The following LRP1B variants were observed in gnomAD, a reference collection of about 807,000 sequenced individuals.
LRP1B encodes low-density lipoprotein receptor-related protein 1B.
A neutral mutation model predicts 556.6 loss-of-function variants in LRP1B; 217 were observed. The ratio of observed to expected loss-of-function variants is 0.39; its 90% CI spans 0.35 to 0.44. LRP1B has a LOEUF of 0.44. Ranked by LOEUF, LRP1B falls within the 20% of genes least tolerant of loss-of-function variation. LRP1B has a pLI of 1.00. For missense variants in LRP1B, 5,053 were observed against 5,620.8 expected (o/e 0.90, Z 3.23); for synonymous variants, 2,047 against 1,865.8 (o/e 1.10, Z -2.50).
intron 85 of LRP1B, among the ~76,000 whole-genome samples, chr2:140,273,328 AT>A (rs1682542140): frequency 7.3e-5 from 1 of 13,614 alleles, no homozygotes; most frequent in Admixed American, 1.7e-3. Flanking sequence ...ATGAGGAAAC[AT>A]GATTTGGACG....
intron 41 of LRP1B, among the ~76,000 whole-genome samples, chr2:140,666,697 A>C (rs1461094373): frequency 1.3e-5 from 2 of 152,178 alleles, no homozygotes. Flanking sequence ...TTTATTTCAA[A>C]ATCTTGGCTT....
intron 2 of LRP1B, among the ~76,000 whole-genome samples, chr2:141,567,023 T>C (rs569380185): frequency 1.3e-5 from 2 of 152,246 alleles, no homozygotes; most frequent in Admixed American, 6.5e-5. Context: ...CATTCTTACA[T>C]AGGAAGATCA....
chr2:140,233,319 TTTG>T lies in LRP1B; in HGVS notation c.13664_13666del (p.Thr4555del). On this transcript the variant is annotated inframe_deletion, in exon 91 of 91. Transcript: ENST00000389484. Reference sequence around the variant, plus strand: ...TTTTGCATATACCGGATTGGAGTAATTTGTTGGCTGAAGGAGAAAAAAAATAAA... The same window carrying T: ...TTTTGCATATACCGGATTGGAGTAATTTGGCTGAAGGAGAAAAAAAATAAA... The T allele has an allele frequency of 6.3e-7, 1 of 1,583,414 alleles. No individual in the cohort carries two copies. Among genetic ancestry groups the T allele is most frequent in the Non-Finnish European group, 8.6e-7 (1 of 1,165,496 alleles).
At chr2:140,450,972 C>CG (rs1172033511) in intron 62 of LRP1B, among the ~76,000 whole-genome samples, 6 of 152,180 alleles carry the variant, frequency 3.9e-5, no homozygotes, top group Admixed American at 6.5e-5. Flanking sequence ...GATAGGGTCT[C>CG]GCTCTGTCGC....
At chr2:142,050,746 A>G (rs1444877640) in intron 1 of LRP1B, among the ~76,000 whole-genome samples, 2 of 152,162 alleles carry the variant, frequency 1.3e-5, no homozygotes, top group Non-Finnish European at 2.9e-5. Context: ...ATATATATTG[A>G]GGATACTACC....
At chr2:140,705,521 C>CAAAAAAAAAAAAAAAAAAAA (rs565447198) in intron 37 of LRP1B, among the ~76,000 whole-genome samples, 3 of 68,228 alleles carry the variant, frequency 4.4e-5, no homozygotes, top group Non-Finnish European at 7.6e-5. Context: ...GAGACTGTCT[C>CAAAAAAAAAAAAAAAAAAAA]AAAAAAAAAA....
rs570539543 is a variant in LRP1B, at chr2:141,403,347, A to C, written c.343+77049T>G. Among the ~76,000 whole-genome samples the C allele has an allele frequency of 5.3e-5, 8 of 152,196 alleles. No individual in the cohort carries two copies. The East Asian group carries it at 1.4e-3, about 26-fold the overall frequency. ...AAATATTTCAAAACTATTAAAAAAA[A>C]CCCTGCAATTCATTTTCCTCTCTAT... On this transcript the variant is annotated intron_variant, in intron 3 of 90. Transcript: ENST00000389484.
intron 2 of LRP1B, among the ~76,000 whole-genome samples, chr2:141,591,543 G>A (rs1041290207): frequency 4.0e-5 from 6 of 151,624 alleles, no homozygotes; most frequent in Admixed American, 4.0e-4. Flanking sequence ...TTTTCCTCGG[G>A]CAGAAAATTG....
chr2:140,965,707 C>G (rs1360290040), intron 18 of LRP1B, among the ~76,000 whole-genome samples: 1 of 152,142 alleles, frequency 6.6e-6, no homozygotes, highest in African/African-American at 2.4e-5. Context: ...CCTCCCCACT[C>G]CCCTCTACCC....
intron 84 of LRP1B, among the ~76,000 whole-genome samples, chr2:140,283,645 G>C (rs1170182338): frequency 6.6e-6 from 1 of 151,686 alleles, no homozygotes; most frequent in African/African-American, 2.4e-5. Flanking sequence ...GACATATGGG[G>C]TGGGATTTTT....
At chr2:141,048,458 G>T (rs573833404) in intron 11 of LRP1B, among the ~76,000 whole-genome samples, 1 of 152,122 alleles carries the variant, frequency 6.6e-6, no homozygotes, top group East Asian at 1.9e-4. Context: ...AATAAAAATA[G>T]ATATAAATGT....
chr2:141,271,463 A>G (rs1237775129), intron 3 of LRP1B, among the ~76,000 whole-genome samples: 1 of 151,822 alleles, frequency 6.6e-6, no homozygotes, highest in Non-Finnish European at 1.5e-5. Flanking sequence ...AAGGACAGAG[A>G]CAAAGAAAAA....
At chr2:141,434,815 A>C (rs533581541) in intron 3 of LRP1B, among the ~76,000 whole-genome samples, 2 of 151,576 alleles carry the variant, frequency 1.3e-5, no homozygotes, top group Non-Finnish European at 2.9e-5. Context: ...AATTCTGAAA[A>C]CTCTATTCCC....
chr2:142,114,088 T>C (rs1462041621), intron 1 of LRP1B, among the ~76,000 whole-genome samples: 1 of 152,148 alleles, frequency 6.6e-6, no homozygotes, highest in Non-Finnish European at 1.5e-5. Context: ...AGCCAAGATA[T>C]AGAATCCTTA....
At chr2:141,519,161 T>C (rs1180232881) in intron 2 of LRP1B, among the ~76,000 whole-genome samples, 1 of 151,808 alleles carries the variant, frequency 6.6e-6, no homozygotes, top group African/African-American at 2.4e-5. Context: ...ACTATTTCTT[T>C]TACATTAGCT....
chr2:142,008,762 T>C (rs911923466), intron 1 of LRP1B, among the ~76,000 whole-genome samples: 1 of 152,132 alleles, frequency 6.6e-6, no homozygotes, highest in Admixed American at 6.5e-5. Flanking sequence ...TTGATTTACC[T>C]GAATCTTAAT....
At position 141,635,869 on chromosome 2, in the gene LRP1B, C is replaced by T. The variant is rs151093082; in HGVS notation, c.206-155336G>A. ...GACTGAACAGAGGAAAATGAGTGGT[C>T]GCATCTCAGGGTATACAGGTCTCTT... On this transcript the variant is annotated intron_variant, in intron 2 of 90. Coordinates refer to ENST00000389484, the MANE Select transcript of LRP1B (RefSeq NM_018557.3). 5.3e-4 allele frequency among the ~76,000 whole-genome samples: 80 copies of T among 152,220 alleles called. 1 individual carries two copies. The highest frequency in any genetic ancestry group is 2.7e-3 in the East Asian group (14 of 5,174).
At chr2:140,434,313 A>T (rs1382367980) in intron 66 of LRP1B, among the ~76,000 whole-genome samples, 3 of 152,068 alleles carry the variant, frequency 2.0e-5, no homozygotes, top group Admixed American at 6.6e-5. Flanking sequence ...CAGGTGATCC[A>T]TCCACTTCAG....
At chr2:141,744,599 C>A (rs1191204256) in intron 2 of LRP1B, among the ~76,000 whole-genome samples, 1 of 152,180 alleles carries the variant, frequency 6.6e-6, no homozygotes, top group Non-Finnish European at 1.5e-5. Context: ...AAGTCACAAG[C>A]TATTATCTCT....
Sources: gnomAD v4.1 joint callset for allele counts (sites outside exome capture counted in the v4.1 genomes callset) on GRCh38, gnomAD v4.1.1 for gene constraint, MANE v1.5 for transcripts, NCBI Gene and HGNC (gene_info 2026-07-23, HGNC 2026-07-21) for gene names.